The following MCHR2 variants were observed in gnomAD, a reference collection of about 807,000 sequenced individuals.
MCHR2 encodes melanin concentrating hormone receptor 2.
Under a neutral mutation model 24.8 loss-of-function variants are expected in MCHR2, and 15 were observed. The ratio of observed to expected loss-of-function variants is 0.60; its 90% CI spans 0.40 to 0.93. The LOEUF (loss-of-function observed/expected upper bound fraction) is 0.93. MCHR2 is among the 40% of genes least tolerant of loss of function. The pLI is 0.00. For missense variants in MCHR2, 386 were observed against 408.7 expected (o/e 0.94, Z 0.48); for synonymous variants, 151 against 147.6 (o/e 1.02, Z -0.17).
At chr6:99,928,170 C>T (rs1314547933) in intron 5 of MCHR2, among the ~76,000 whole-genome samples, 1 of 152,214 alleles carries the variant, frequency 6.6e-6, no homozygotes, top group Non-Finnish European at 1.5e-5. Context: ...ACCAGCCTTG[C>T]ATCCCAGGGA....
At chr6:99,985,537 C>A (rs188969859) in intron 1 of MCHR2, among the ~76,000 whole-genome samples, 8 of 152,038 alleles carry the variant, frequency 5.3e-5, no homozygotes, top group Admixed American at 2.0e-4. Flanking sequence ...CCTCTACAAC[C>A]AATAATCTTT....
At chr6:99,990,929 A>ACAT (rs1775860871) in intron 1 of MCHR2, among the ~76,000 whole-genome samples, 1 of 146,664 alleles carries the variant, frequency 6.8e-6, no homozygotes, top group African/African-American at 2.5e-5. Flanking sequence ...CCTTGGAGCC[A>ACAT]CATCTAGTAT....
chr6:99,935,975 A>C (rs1400153066), intron 4 of MCHR2, among the ~76,000 whole-genome samples: 1 of 151,682 alleles, frequency 6.6e-6, no homozygotes, highest in Non-Finnish European at 1.5e-5. Context: ...TTATGTACCC[A>C]TTGGCCATTT....
At chr6:99,986,724 T>C (rs2114596410) in intron 1 of MCHR2, among the ~76,000 whole-genome samples, 1 of 152,062 alleles carries the variant, frequency 6.6e-6, no homozygotes, top group East Asian at 1.9e-4. Context: ...GGGTACAATA[T>C]ATCCTATTTG....
intron 4 of MCHR2, among the ~76,000 whole-genome samples, chr6:99,936,513 A>T (rs879347627): frequency 2.0e-5 from 3 of 151,704 alleles, no homozygotes; most frequent in African/African-American, 4.8e-5. Flanking sequence ...AAATGTGTGG[A>T]TTTATATCGG....
intron 3 of MCHR2, among the ~76,000 whole-genome samples, chr6:99,944,340 C>T (rs1044842907): frequency 1.3e-5 from 2 of 152,156 alleles, no homozygotes; most frequent in Admixed American, 6.5e-5. Context: ...TGAAAAAGCA[C>T]AGCTTTGCTG....
chr6:99,934,259 AT>A, intron 5 of MCHR2, 138 bp downstream of exon 5: 1 of 813,236 alleles, frequency 1.2e-6, no homozygotes, highest in Non-Finnish European at 1.7e-6. Flanking sequence ...TTTTCCAAAA[AT>A]TTTTTCTATA....
At chr6:99,938,898 G>A (rs1363443740) in intron 4 of MCHR2, among the ~76,000 whole-genome samples, 2 of 151,980 alleles carry the variant, frequency 1.3e-5, no homozygotes, top group African/African-American at 4.8e-5. Context: ...ACTGAAAATT[G>A]TTATATCCTT....
chr6:99,923,324 T>C (rs538747859), intron 5 of MCHR2, among the ~76,000 whole-genome samples: 1 of 152,322 alleles, frequency 6.6e-6, no homozygotes, highest in African/African-American at 2.4e-5. Context: ...TATAAAATCA[T>C]GTCATCTGTA....
intron 1 of MCHR2, among the ~76,000 whole-genome samples, chr6:99,991,804 G>A (rs1357441662): frequency 9.5e-5 from 2 of 21,024 alleles, no homozygotes; most frequent in Admixed American, 5.8e-4. Context: ...GTGAGACTCC[G>A]TCTCAAAAAA....
At chr6:99,949,987 A>G (rs1049068032) in intron 2 of MCHR2, among the ~76,000 whole-genome samples, 2 of 152,112 alleles carry the variant, frequency 1.3e-5, no homozygotes, top group Non-Finnish European at 2.9e-5. Context: ...TGGGATATAA[A>G]CCATAAGCAG....
In MCHR2 at chr6:99,956,115, G is replaced by A. The variant is rs757697413; in HGVS notation, c.33C>T (p.Thr11=). Residue 11 remains threonine (T), a synonymous_variant, in exon 2 of 6, where the codon ACC becomes ACT. Coordinates refer to ENST00000281806, the MANE Select transcript of MCHR2 (RefSeq NM_001040179.2). Reference sequence around the variant, plus strand: ...AGGATTTGTTTAAAAGTTCGGCAGAGGTGTTCCAACAAGATGCATGAAATG... The same window carrying A: ...AGGATTTGTTTAAAAGTTCGGCAGAAGTGTTCCAACAAGATGCATGAAATG... MNPFHASCWN[T]SAELLNKSWN... 6.2e-6 allele frequency: 10 copies of A among 1,612,860 alleles called. No homozygotes were observed. The highest frequency in any genetic ancestry group is 1.7e-5 in the Admixed American group (1 of 59,868).
intron 1 of MCHR2, among the ~76,000 whole-genome samples, chr6:99,978,631 G>A (rs533360933): frequency 1.3e-5 from 2 of 151,992 alleles, no homozygotes; most frequent in Non-Finnish European, 2.9e-5. Context: ...TGTTAGCCAG[G>A]ATGATCTCGA....
chr6:99,938,221 T>C (rs1232211847), intron 4 of MCHR2, among the ~76,000 whole-genome samples: 1 of 152,014 alleles, frequency 6.6e-6, no homozygotes, highest in Non-Finnish European at 1.5e-5. Context: ...ATCTTCATTA[T>C]TTATTTCCTG....
chr6:99,975,565 C>T (rs1393205924), intron 1 of MCHR2, among the ~76,000 whole-genome samples: 9 of 152,354 alleles, frequency 5.9e-5, no homozygotes, highest in South Asian at 2.1e-4. Flanking sequence ...GTGCATGGTG[C>T]GCTGCACCCA....
intron 1 of MCHR2, among the ~76,000 whole-genome samples, chr6:99,974,191 G>A (rs537835696): frequency 1.7e-4 from 26 of 152,208 alleles, no homozygotes; most frequent in Non-Finnish European, 2.6e-4. Context: ...TCACTTTCAG[G>A]TACACCAATC....
intron 2 of MCHR2, among the ~76,000 whole-genome samples, chr6:99,949,217 G>T (rs2114531476): frequency 1.3e-5 from 2 of 152,240 alleles, no homozygotes; most frequent in Admixed American, 1.3e-4. Flanking sequence ...CTGTAAAGCT[G>T]AACTATGTAT....
chr6:99,970,238 T>G (rs1251811553), intron 1 of MCHR2, among the ~76,000 whole-genome samples: 1 of 152,068 alleles, frequency 6.6e-6, no homozygotes, highest in Non-Finnish European at 1.5e-5. Context: ...CCTGACTTTT[T>G]AATGATGGCC....
At chr6:99,991,819 AAAAAAAAG>A (rs1775886313) in intron 1 of MCHR2, among the ~76,000 whole-genome samples, 1 of 151,322 alleles carries the variant, frequency 6.6e-6, no homozygotes, top group Admixed American at 6.6e-5. Context: ...AAAAAAAAAA[AAAAAAAAG>A]AAAAGAAAAA....
Sources: allele counts gnomAD v4.1 joint callset (sites outside exome capture counted in the v4.1 genomes callset), GRCh38; gene constraint gnomAD v4.1.1; transcripts MANE v1.5; gene names NCBI Gene and HGNC (gene_info 2026-07-23, HGNC 2026-07-21).